APOB: variants seen among roughly 807,000 people sequenced by gnomAD.
APOB encodes apolipoprotein B-100.
A neutral mutation model predicts 314.1 loss-of-function variants in APOB; 153 were observed. The ratio of observed to expected loss-of-function variants is 0.49; its 90% CI spans 0.43 to 0.56. APOB has a LOEUF of 0.56. Ranked by LOEUF, APOB falls within the 20% of genes least tolerant of loss-of-function variation. The pLI is 0.00. For missense variants in APOB, 5,430 were observed against 5,350.7 expected (o/e 1.01, Z -0.46); for synonymous variants, 2,087 against 2,036.4 (o/e 1.02, Z -0.67).
chr2:21,031,294 T>C (rs866728910), intron 10 of APOB, among the ~76,000 whole-genome samples: 1 of 152,206 alleles, frequency 6.6e-6, no homozygotes, highest in African/African-American at 2.4e-5. Context: ...ATCATGTCAT[T>C]TGCAGCAACA....
At chr2:21,013,633 C>T (rs1277202073) in intron 24 of APOB, 100 bp from the exon 25 acceptor site, 55 of 1,537,010 alleles carry the variant, frequency 3.6e-5, no homozygotes, top group Non-Finnish European at 4.7e-5. Context: ...TGCCCCATTC[C>T]CAAAGCCACT....
rs1663304951 is a variant in APOB at position 21,011,084 on chromosome 2, A to G, written c.5784T>C (p.Tyr1928=). 4 of 1,614,238 alleles carry G rather than the reference A, an allele frequency of 2.5e-6. No individual in the cohort carries two copies. Among genetic ancestry groups the G allele is most frequent in the Non-Finnish European group, 3.4e-6 (4 of 1,180,036 alleles). Residue 1928 remains tyrosine, a synonymous_variant, in exon 26 of 29, where the codon TAT becomes TAC. Transcript: ENST00000233242. The part of the protein sequence containing the change: ...ALWGEHTGQL[Y]SKFLLKAEPL... Reference sequence around the variant, plus strand: ...GTTCTGCTTTCAACAGGAATTTGCTATACAGCTGCCCAGTATGTTCTCCCC... The same window carrying G: ...GTTCTGCTTTCAACAGGAATTTGCTGTACAGCTGCCCAGTATGTTCTCCCC...
Position 21,005,712 on chromosome 2 carries a change from A to G in APOB, c.11156T>C (p.Phe3719Ser). 2 of 1,613,952 alleles carry G rather than the reference A, an allele frequency of 1.2e-6. No homozygotes were observed. The highest frequency in any genetic ancestry group is 8.5e-7 in the Non-Finnish European group (1 of 1,179,950). ...VYTKNPNGYS[F>S]SIPVKVLADK... ...AGCCAAAACTTTTACAGGGATGGAG[A>G]ATGAATAGCCATTGGGGTTTTTGGT... Residue 3719 changes from phenylalanine to serine, a missense_variant, in exon 26 of 29, where the codon TTC (phenylalanine) becomes TCC (serine). Phe to Ser is a radical substitution (Grantham distance 155). Around this residue, in one of 3 missense-constraint regions of APOB, gnomAD observed 3,281 missense variants for 3,171.0 expected, o/e 1.03. Coordinates refer to ENST00000233242, the MANE Select transcript of APOB (RefSeq NM_000384.3).
Position 21,010,049 on chromosome 2 carries a change from T to C in APOB, c.6819A>G (p.Ile2273Met). 6.2e-7 allele frequency: 1 copy of C among 1,613,660 alleles called. No individual in the cohort carries two copies. Among genetic ancestry groups the C allele is most frequent in the Non-Finnish European group, 8.5e-7 (1 of 1,179,924 alleles). Residue 2273 changes from isoleucine (I) to methionine (M), a missense_variant, in exon 26 of 29, where the codon ATA becomes ATG. Coordinates refer to ENST00000233242, the MANE Select transcript of APOB (RefSeq NM_000384.3). ...QEKLQQLKRH[I>M]QNIDIQHLAG... is the part of the protein sequence containing the mutation. The stretch of plus-strand genomic sequence containing the variant: ...CTAGGTGCTGGATGTCTATATTCTG[T>C]ATGTGTCTCTTAAGCTGCTGCAGTT...
Position 21,018,895 on chromosome 2 carries a change from C to T in APOB, c.3121+97G>A, listed in dbSNP as rs1041024894. 4 of 1,585,110 alleles carry T rather than the reference C, an allele frequency of 2.5e-6. No individual in the cohort carries two copies. The Admixed American group carries it at 6.7e-5, about 27-fold the overall frequency. On this transcript the variant is annotated intron_variant, in intron 20 of 28. Transcript: ENST00000233242. The stretch of plus-strand genomic sequence containing the variant: ...GCCGCTTAGTGGGTACTCAGTTAAC[C>T]TATTTGTTAAATAGGTTAAATTACA...
At chr2:21,035,097 G>T (rs1345309353) in intron 7 of APOB, among the ~76,000 whole-genome samples, 196 bp from the exon 8 acceptor site, 3 of 152,184 alleles carry the variant, frequency 2.0e-5, no homozygotes, top group African/African-American at 7.2e-5. Context: ...CCATCAAAAA[G>T]ACATGCGTGC....
intron 12 of APOB, among the ~76,000 whole-genome samples, chr2:21,028,904 A>C (rs1376737976): frequency 6.6e-6 from 1 of 152,202 alleles, no homozygotes; most frequent in Non-Finnish European, 1.5e-5. Context: ...GCTAATAAAT[A>C]GGGTAGTTTC....
rs765254674 is a variant in APOB at position 21,008,681 on chromosome 2, A to T, written c.8187T>A (p.Asn2729Lys). ...PEFIIPTLNL[N>K]DFQVPDLHIP... is the part of the protein sequence containing the mutation. Reference sequence around the variant, plus strand: ...TGTGAAGGTCAGGAACTTGAAAATCATTAAGGTTGAGAGTTGGGATTATGA... The same window carrying T: ...TGTGAAGGTCAGGAACTTGAAAATCTTTAAGGTTGAGAGTTGGGATTATGA... The change falls in exon 26 of 29, where the codon AAT becomes AAA. Residue 2729 changes from asparagine to lysine, a missense_variant. Around this residue, in one of 3 missense-constraint regions of APOB, gnomAD observed 3,281 missense variants for 3,171.0 expected, o/e 1.03. Transcript: ENST00000233242. 4 of 1,613,976 alleles carry T rather than the reference A, an allele frequency of 2.5e-6. No individual in the cohort carries two copies. Among genetic ancestry groups the T allele is most frequent in the Non-Finnish European group, 3.4e-6 (4 of 1,179,968 alleles).
In APOB at chr2:21,024,999, A is replaced by C; in HGVS notation, c.2370T>G (p.His790Gln). ...GCAGCTTTCCCAGGAGCTGGAGGTC[A>C]TGGAGACTGGCAAAACCAAGCTCCT... ...LGEELGFASL[H>Q]DLQLLGKLLL... is the part of the protein sequence containing the mutation. The change falls in exon 16 of 29, where the codon CAT (histidine) becomes CAG (glutamine). Residue 790 changes from histidine (H) to glutamine (Q), a missense_variant. Transcript: ENST00000233242. 2 of 1,614,262 alleles carry C rather than the reference A, an allele frequency of 1.2e-6. No individual in the cohort carries two copies. The highest frequency in any genetic ancestry group is 8.5e-7 in the Non-Finnish European group (1 of 1,180,046).
rs1453694348 is a variant in APOB, at chr2:21,033,425, T to C, written c.998A>G (p.Lys333Arg). ...EAVLKTLQEL[K>R]KLTISEQNIQ... ...ATTTTGCTCAGAGATGGTTAGTTTT[T>C]TCAGTTCCTGGAGAGTCTTCAAAAC... The change falls in exon 9 of 29, where the codon AAA (lysine) becomes AGA (arginine). Residue 333 changes from lysine (K) to arginine (R), a missense_variant. Physicochemically the swap from Lys to Arg is conservative, Grantham distance 26. This residue lies in a region of APOB where 2,085 missense variants were observed against 2,079.7 expected (regional missense o/e 1.00). Coordinates refer to ENST00000233242, the MANE Select transcript of APOB (RefSeq NM_000384.3). 6.2e-7 allele frequency: 1 copy of C among 1,614,186 alleles called. No individual in the cohort carries two copies. The highest frequency in any genetic ancestry group is 8.5e-7 in the Non-Finnish European group (1 of 1,180,022).
At position 21,019,976 on chromosome 2, in the gene APOB, G is replaced by A. The variant is rs138358106; in HGVS notation, c.2817-71C>T. 3.6e-5 allele frequency: 52 copies of A among 1,434,158 alleles called. No individual in the cohort carries two copies. In the East Asian group the frequency reaches 1.0e-3, roughly 28 times the overall value. 88.8% of individuals were successfully genotyped at this position (1,434,158 alleles called of 1,614,324 possible). A position where few individuals can be genotyped will look rare whatever the true frequency, so the allele number is the denominator to read the frequency against. On this transcript the variant is annotated intron_variant, in intron 18 of 28. Coordinates refer to ENST00000233242, the MANE Select transcript of APOB (RefSeq NM_000384.3). ...AAAATGGACATCACAAATTCTCAGG[G>A]TGCAAATACCCCCTTATCCTCCTGT...
rs553850428 is a variant in APOB at position 21,032,251 on chromosome 2, G to A, written c.1352+103C>T. 28 of 1,028,272 alleles carry A rather than the reference G, an allele frequency of 2.7e-5. No homozygotes were observed. In the Admixed American group the frequency reaches 2.9e-4, roughly 11 times the overall value. The allele number at this position is 1,028,272 out of a possible 1,614,324, so 63.7% of individuals were successfully genotyped here. ...AGAAAAAACACAAGAGTAAGGAGCA[G>A]AGTTTGAAAGTGGAAGGAGGGGTTC... On this transcript the variant is annotated intron_variant, in intron 10 of 28. Transcript: ENST00000233242.
chr2:21,013,574 T>C, intron 24 of APOB, 41 bp from the exon 25 acceptor site: 1 of 1,613,054 alleles, frequency 6.2e-7, no homozygotes, highest in Non-Finnish European at 8.5e-7. Flanking sequence ...CAGTCAGACA[T>C]CAGTCATTCA....
Position 21,011,895 on chromosome 2 carries a change from G to A in APOB, c.4973C>T (p.Thr1658Ile), listed in dbSNP as rs1486867358. 1 of 1,613,818 alleles carries A rather than the reference G, an allele frequency of 6.2e-7. No individual in the cohort carries two copies. Among genetic ancestry groups the A allele is most frequent in the Non-Finnish European group, 8.5e-7 (1 of 1,180,034 alleles). Residue 1658 changes from threonine (T) to isoleucine (I), a missense_variant, in exon 26 of 29, where the codon ACC (threonine) becomes ATC (isoleucine). Transcript: ENST00000233242. Reference sequence around the variant, plus strand: ...CACCAGGAGACTACACTTCAAGTTGGTCGTTGCACTGGTAGATATTCCATC... The same window carrying A: ...CACCAGGAGACTACACTTCAAGTTGATCGTTGCACTGGTAGATATTCCATC... Reference protein sequence around the residue: ...GQDGISTSATTNLKCSLLVLE... With the variant: ...GQDGISTSATINLKCSLLVLE...
In APOB at chr2:21,006,286, A is replaced by T. The variant is rs761101552; in HGVS notation, c.10582T>A (p.Ser3528Thr). ...GAAGTGCCCTGCAGCTTCACTGAAG[A>T]CCGTGTGCTCTTGGAATTCAAGTAA... ...NTYLNSKSTR[S>T]SVKLQGTSKI... is the part of the protein sequence containing the mutation. Residue 3528 changes from serine to threonine, a missense_variant, in exon 26 of 29, where the codon TCT becomes ACT. Ser to Thr is a moderately conservative substitution (Grantham distance 58, BLOSUM62 1). This residue lies in a region of APOB where 3,281 missense variants were observed against 3,171.0 expected (regional missense o/e 1.03). Coordinates refer to ENST00000233242, the MANE Select transcript of APOB (RefSeq NM_000384.3). 1.9e-6 allele frequency: 3 copies of T among 1,614,044 alleles called. No individual in the cohort carries two copies. Among genetic ancestry groups the T allele is most frequent in the Non-Finnish European group, 2.5e-6 (3 of 1,179,966 alleles).
chr2:21,022,710 C>T, intron 18 of APOB, 121 bp downstream of exon 18: 1 of 874,128 alleles, frequency 1.1e-6, no homozygotes, highest in Non-Finnish European at 1.9e-6. Context: ...CTTTCTACTC[C>T]TCTCCTGCTT....
chr2:21,008,809 G>T lies in APOB; in HGVS notation c.8059C>A (p.Pro2687Thr), dbSNP rs1663223496. Reference sequence around the variant, plus strand: ...TCCCTGAGATATATATCTGGAACGGGCCACTGCAGCTCACTGTTCAGCATC... The same window carrying T: ...TCCCTGAGATATATATCTGGAACGGTCCACTGCAGCTCACTGTTCAGCATC... The part of the protein sequence containing the change: ...DQMLNSELQW[P>T]VPDIYLRDLK... Residue 2687 changes from proline (P) to threonine (T), a missense_variant, in exon 26 of 29, where the codon CCC becomes ACC. Coordinates refer to ENST00000233242, the MANE Select transcript of APOB (RefSeq NM_000384.3). 1.2e-6 allele frequency: 2 copies of T among 1,614,050 alleles called. No homozygotes were observed. The highest frequency in any genetic ancestry group is 1.7e-6 in the Non-Finnish European group (2 of 1,179,946).
rs1663149096 is a variant in APOB at position 21,006,633 on chromosome 2, CTGTTA to C, written c.10230_10234del (p.His3410GlnfsTer34). 6.2e-7 allele frequency: 1 copy of C among 1,613,946 alleles called. No individual in the cohort carries two copies. Among genetic ancestry groups the C allele is most frequent in the Non-Finnish European group, 8.5e-7 (1 of 1,179,972 alleles). On this transcript the variant is annotated frameshift_variant, in exon 26 of 29. Coordinates refer to ENST00000233242, the MANE Select transcript of APOB (RefSeq NM_000384.3). LOFTEE classifies it high-confidence loss of function. ...ATTTTTCGTGGTTAAGCTCACAGTA[CTGTTA>C]TGACTACCCTCCACAAATTTGTTGC... is the stretch of plus-strand genomic sequence containing the variant.
chr2:21,023,864 C>T, intron 16 of APOB, 172 bp from the exon 17 acceptor site: 1 of 552,268 alleles, frequency 1.8e-6, no homozygotes, highest in East Asian at 2.9e-5. Flanking sequence ...GATGTTTTTA[C>T]CGTTTTCAGT....
Sources: gnomAD v4.1 joint callset for allele counts (sites outside exome capture counted in the v4.1 genomes callset) on GRCh38, gnomAD v4.1.1 for gene constraint, gnomAD v4.1.1 regional missense constraint, MANE v1.5 for transcripts, NCBI Gene and HGNC (gene_info 2026-07-23, HGNC 2026-07-21) for gene names.